The following GNG2 variants were observed in gnomAD, a reference collection of about 807,000 sequenced individuals.
GNG2 encodes the protein guanine nucleotide-binding protein G(I)/G(S)/G(O) subunit gamma-2.
In GNG2, 5 loss-of-function variants were observed where a neutral mutation model predicts 5.5. The ratio of observed to expected loss-of-function variants is 0.91; its 90% CI spans 0.48 to 1.92. The LOEUF (loss-of-function observed/expected upper bound fraction) is 1.92. Among genes scored for constraint, GNG2 ranks in the 30% most tolerant of loss-of-function variants. The probability of loss-of-function intolerance (pLI) is 0.01; values close to 1 mark genes in which losing one functional copy is unlikely to be tolerated. For synonymous variants in GNG2, 28 were observed against 32.0 expected (o/e 0.88, Z 0.42); for missense variants, 55 against 88.4 (o/e 0.62, Z 1.52).
chr14:51,961,784 A>C (rs1469803817), intron 3 of GNG2, among the ~76,000 whole-genome samples: 1 of 152,200 alleles, frequency 6.6e-6, no homozygotes, highest in Non-Finnish European at 1.5e-5. Context: ...GAGGCAAAAA[A>C]GAACTTGGAG....
chr14:51,851,848 C>T (rs558735974), intron 2 of GNG2, among the ~76,000 whole-genome samples: 5 of 152,276 alleles, frequency 3.3e-5, no homozygotes, highest in Admixed American at 2.0e-4. Context: ...ATTGCTGCCA[C>T]GTCCTTCAGA....
At chr14:51,829,530 C>A (rs1881124285) in intron 2 of GNG2, among the ~76,000 whole-genome samples, 2 of 152,120 alleles carry the variant, frequency 1.3e-5, no homozygotes, top group South Asian at 4.1e-4. Flanking sequence ...TACTACAGAC[C>A]TGCATTTGCA....
intron 3 of GNG2, among the ~76,000 whole-genome samples, chr14:51,962,875 C>T (rs1889695399): frequency 6.6e-6 from 1 of 152,176 alleles, no homozygotes; most frequent in African/African-American, 2.4e-5. Flanking sequence ...AAGACAGCCA[C>T]AGGTTAGAAA....
rs184993870 is a variant in GNG2 at position 51,920,655 on chromosome 14, G to A, written c.-29-29995G>A. On this transcript the variant is annotated intron_variant, in intron 2 of 3. Coordinates refer to ENST00000556766, the MANE Select transcript of GNG2 (RefSeq NM_053064.5). ...AATTTATAAATGGAAAGGTCTAGGTGAGCATCGGAGATTTTGAGCTCTTAG... is the reference window on the plus strand; with the variant it reads ...AATTTATAAATGGAAAGGTCTAGGTAAGCATCGGAGATTTTGAGCTCTTAG... Among the ~76,000 whole-genome samples the A allele has an allele frequency of 1.1e-3, 161 of 152,316 alleles. 1 individual carries two copies. The highest frequency in any genetic ancestry group is 1.7e-3 in the Non-Finnish European group (113 of 68,024).
intron 2 of GNG2, among the ~76,000 whole-genome samples, chr14:51,897,498 A>T (rs1426630758): frequency 6.6e-6 from 1 of 152,216 alleles, no homozygotes; most frequent in Non-Finnish European, 1.5e-5. Flanking sequence ...GGCCCCACAG[A>T]TGGAACCAAA....
intron 2 of GNG2, among the ~76,000 whole-genome samples, chr14:51,903,260 A>G (rs1006612792): frequency 6.6e-6 from 1 of 152,336 alleles, no homozygotes; most frequent in South Asian, 2.1e-4. Context: ...TGAATCAACA[A>G]TAGATATTAA....
chr14:51,919,039 G>C (rs1451670690), intron 2 of GNG2, among the ~76,000 whole-genome samples: 1 of 152,104 alleles, frequency 6.6e-6, no homozygotes, highest in Admixed American at 6.5e-5. Flanking sequence ...TGGTCAGGCT[G>C]GTCTCGAACT....
rs538098007 is a variant in GNG2 at position 51,888,872 on chromosome 14, A to G, written c.-30+11215A>G. ...TAAATGTGGTGTATCTATACAATGG[A>G]TTATTCAGCCATGAAAAGGAACAAG... On this transcript the variant is annotated intron_variant, in intron 2 of 3. Transcript: ENST00000556766. 1.2e-4 allele frequency among the ~76,000 whole-genome samples: 18 copies of G among 152,312 alleles called. No individual in the cohort carries two copies. The South Asian group carries it at 3.3e-3, about 28-fold the overall frequency.
intron 2 of GNG2, among the ~76,000 whole-genome samples, chr14:51,941,727 C>T (rs1010520541): frequency 3.3e-5 from 5 of 152,172 alleles, no homozygotes; most frequent in Non-Finnish European, 5.9e-5. Flanking sequence ...GGTTTCTTAA[C>T]AGAAAAGTTC....
rs1476409410 is a variant in GNG2, at chr14:51,951,719, G to GTTTTATT, written c.87+954_87+955insTTTTATT. Reference sequence around the variant, plus strand: ...ACAGGGTCAATAAAATTTGGCTCATGGGCCAAAGCCAGCCCACTGCCTATG... The same window carrying GTTTTATT: ...ACAGGGTCAATAAAATTTGGCTCATGTTTTATTGGCCAAAGCCAGCCCACTGCCTATG... On this transcript the variant is annotated intron_variant, in intron 3 of 3. Transcript: ENST00000556766. Among the ~76,000 whole-genome samples, 11 of 152,288 alleles carry GTTTTATT rather than the reference G, an allele frequency of 7.2e-5. No homozygotes were observed. The South Asian group carries it at 1.9e-3, about 26-fold the overall frequency.
upstream of GNG2, among the ~76,000 whole-genome samples, chr14:51,855,570 T>C (rs1882118262): frequency 6.6e-6 from 1 of 152,238 alleles, no homozygotes; most frequent in Non-Finnish European, 1.5e-5. Flanking sequence ...AGCTTTTCTG[T>C]GATAAAATAA....
At chr14:51,835,208 C>T (rs1881298325) in intron 2 of GNG2, among the ~76,000 whole-genome samples, 1 of 152,138 alleles carries the variant, frequency 6.6e-6, no homozygotes, top group Non-Finnish European at 1.5e-5. Flanking sequence ...CTGTAAGAAG[C>T]AAGAAGCAGC....
At chr14:51,859,163 C>T (rs1474445168), upstream of GNG2, among the ~76,000 whole-genome samples, 2 of 152,182 alleles carry the variant, frequency 1.3e-5, no homozygotes, top group Admixed American at 6.5e-5. Context: ...TTAACTGTTT[C>T]CTGGCAAGAT....
At chr14:51,921,353 C>T (rs927829276) in intron 2 of GNG2, among the ~76,000 whole-genome samples, 1 of 152,078 alleles carries the variant, frequency 6.6e-6, no homozygotes, top group African/African-American at 2.4e-5. Context: ...ATTACTATTC[C>T]CTGAAAGAAG....
rs998179141 is a variant in GNG2, at chr14:51,950,583, G to C, written c.-29-67G>C. ...CACTGCTTTGAGATCCCCTAGTTAC[G>C]ATGAACTTGCACATTTGCTGGCTCA... On this transcript the variant is annotated intron_variant, in intron 2 of 3. Transcript: ENST00000556766. 3.1e-6 allele frequency: 3 copies of C among 974,612 alleles called. No individual in the cohort carries two copies. In the South Asian group the frequency reaches 4.3e-5, roughly 14 times the overall value. 60.4% of individuals were successfully genotyped at this position (974,612 alleles called of 1,614,324 possible). A position where few individuals can be genotyped will look rare whatever the true frequency, so the allele number is the denominator to read the frequency against.
chr14:51,955,250 A>G (rs748342894), intron 3 of GNG2, among the ~76,000 whole-genome samples: 1 of 152,094 alleles, frequency 6.6e-6, no homozygotes, highest in African/African-American at 2.4e-5. Flanking sequence ...TGCTATGCAA[A>G]GTGTCACCTC....
chr14:51,952,209 A>G (rs1356425072), intron 3 of GNG2: 3 of 312,068 alleles, frequency 9.6e-6, no homozygotes, highest in Non-Finnish European at 1.8e-5. Flanking sequence ...ACATTTTCCC[A>G]TTATCCTAAA....
At chr14:51,836,822 A>G (rs1310691376) in intron 2 of GNG2, among the ~76,000 whole-genome samples, 3 of 151,478 alleles carry the variant, frequency 2.0e-5, no homozygotes, top group African/African-American at 7.3e-5. Context: ...AAACAATAAA[A>G]TATTTTCAAT....
At chr14:51,855,795 C>CAG (rs139891029), upstream of GNG2, among the ~76,000 whole-genome samples, 245 of 149,702 alleles carry the variant, frequency 1.6e-3, 1 homozygote, top group African/African-American at 5.0e-3. Context: ...TGATAGGAAA[C>CAG]AGAGAGAGAG....
Sources: allele counts gnomAD v4.1 joint callset (sites outside exome capture counted in the v4.1 genomes callset), GRCh38; gene constraint gnomAD v4.1.1; transcripts MANE v1.5; gene names NCBI Gene and HGNC (gene_info 2026-07-23, HGNC 2026-07-21).